SLC71A2: variants seen among roughly 807,000 people sequenced by gnomAD.
SLC71A2 encodes the protein solute carrier family 71 member 2.
the SLC71A2 span, among the ~76,000 whole-genome samples, chr9:94,401,389 G>T: frequency 6.6e-6 from 1 of 152,084 alleles, no homozygotes; most frequent in Non-Finnish European, 1.5e-5. Flanking sequence ...GGCCAGGCTG[G>T]TCTTGAACTC....
chr9:94,393,817 C>T, the SLC71A2 span, among the ~76,000 whole-genome samples: 12 of 106,694 alleles, frequency 1.1e-4, no homozygotes, highest in Non-Finnish European at 2.3e-4. Context: ...GCTCAGGGGT[C>T]TTTGTGATAT....
the SLC71A2 span, among the ~76,000 whole-genome samples, chr9:94,400,556 C>T: frequency 8.4e-6 from 1 of 119,516 alleles, no homozygotes; most frequent in African/African-American, 3.2e-5. Context: ...GATAAAATTC[C>T]AGCTTCCAAA....
chr9:94,379,441 G>T, the SLC71A2 span, among the ~76,000 whole-genome samples: 2 of 139,256 alleles, frequency 1.4e-5, 1 homozygote, highest in African/African-American at 5.4e-5. Context: ...AGGCTGGAGT[G>T]CGGTGGCGCA....
At chr9:94,433,752 C>T in the SLC71A2 span, among the ~76,000 whole-genome samples, 1 of 152,136 alleles carries the variant, frequency 6.6e-6, no homozygotes. Flanking sequence ...ATAATCCTCA[C>T]AAAACCATTA....
At chr9:94,437,186 C>G in the SLC71A2 span, among the ~76,000 whole-genome samples, 1 of 142,528 alleles carries the variant, frequency 7.0e-6, no homozygotes, top group Admixed American at 7.2e-5. Context: ...GGATGTGTGT[C>G]AGGAGCCGGG....
the SLC71A2 span, among the ~76,000 whole-genome samples, chr9:94,396,234 C>T: frequency 3.4e-5 from 5 of 149,176 alleles, no homozygotes; most frequent in South Asian, 2.2e-4. Context: ...GTGGAGTTGG[C>T]GCCAGGCGCA....
the SLC71A2 span, among the ~76,000 whole-genome samples, chr9:94,444,236 T>A: frequency 6.6e-6 from 1 of 152,138 alleles, no homozygotes; most frequent in Non-Finnish European, 1.5e-5. Flanking sequence ...TCCACATGCT[T>A]ATAGGAGTGC....
the SLC71A2 span, chr9:94,460,866 T>C: frequency 2.6e-5 from 4 of 152,218 alleles, no homozygotes; most frequent in Non-Finnish European, 5.9e-5. Flanking sequence ...TACTATGCTA[T>C]TGGTTTTTAG....
chr9:94,397,001 C>T, the SLC71A2 span, among the ~76,000 whole-genome samples: 43,405 of 152,006 alleles, frequency 0.29, 7,601 homozygotes, highest in East Asian at 0.53. Flanking sequence ...AACTCCTGAC[C>T]TCAGGTGATC....
At chr9:94,454,104 A>T in the SLC71A2 span, 1 of 1,435,286 alleles carries the variant, frequency 7.0e-7, no homozygotes, top group Non-Finnish European at 9.8e-7. Context: ...GTGAACTGCC[A>T]GACAGATGCC....
the SLC71A2 span, chr9:94,451,430 A>G: frequency 1.1e-5 from 13 of 1,205,150 alleles, no homozygotes; most frequent in African/African-American, 3.1e-5. Flanking sequence ...CTATATTACT[A>G]AAGTGTTTTC....
At chr9:94,458,226 A>G in the SLC71A2 span, 1 of 1,066,282 alleles carries the variant, frequency 9.4e-7, no homozygotes, top group Non-Finnish European at 1.3e-6. Context: ...GTCTTGCCGA[A>G]TTAGTGTATC....
chr9:94,421,453 T>C, the SLC71A2 span, among the ~76,000 whole-genome samples: 2 of 152,210 alleles, frequency 1.3e-5, no homozygotes, highest in African/African-American at 2.4e-5. Context: ...ATACAATGTA[T>C]ACTCTTTGTT....
chr9:94,450,492 A>ATTTTTTTTTTTTT, the SLC71A2 span, among the ~76,000 whole-genome samples: 6 of 52,492 alleles, frequency 1.1e-4, no homozygotes, highest in Admixed American at 4.2e-4. Flanking sequence ...AAATAATGTA[A>ATTTTTTTTTTTTT]CTTTTTTTTT....
chr9:94,448,161 C>T, the SLC71A2 span, among the ~76,000 whole-genome samples: 2 of 151,874 alleles, frequency 1.3e-5, no homozygotes, highest in Non-Finnish European at 2.9e-5. Flanking sequence ...TCAGACCTGC[C>T]CTTGTTCCAG....
chr9:94,442,723 G>A, the SLC71A2 span, among the ~76,000 whole-genome samples: 460 of 151,990 alleles, frequency 3.0e-3, 11 homozygotes, highest in East Asian at 0.073. Flanking sequence ...GGTGGTGTGC[G>A]CTTGTAATCT....
the SLC71A2 span, chr9:94,374,817 G>C: frequency 2.7e-6 from 2 of 743,836 alleles, no homozygotes; most frequent in East Asian, 4.0e-5. Flanking sequence ...GCATGGCCGC[G>C]GCATGAGCGT....
the SLC71A2 span, among the ~76,000 whole-genome samples, chr9:94,450,072 ACTC>A: frequency 6.6e-6 from 1 of 152,070 alleles, no homozygotes; most frequent in African/African-American, 2.4e-5. Context: ...GGGGAGTAGA[ACTC>A]CTAATGGCTG....
chr9:94,379,625 A>G, the SLC71A2 span, among the ~76,000 whole-genome samples: 1 of 151,856 alleles, frequency 6.6e-6, no homozygotes, highest in Non-Finnish European at 1.5e-5. Context: ...TCCTGGCCTC[A>G]AGTAATCCTC....
Sources: allele counts gnomAD v4.1 joint callset (sites outside exome capture counted in the v4.1 genomes callset), GRCh38; gene constraint gnomAD v4.1.1; transcripts MANE v1.5; gene names NCBI Gene and HGNC (gene_info 2026-07-23, HGNC 2026-07-21).